SLC39A12: variants seen among roughly 807,000 people sequenced by gnomAD.
The protein encoded by SLC39A12 is solute carrier family 39 member 12.
In SLC39A12, 63 loss-of-function variants were observed where a neutral mutation model predicts 71.1. That is an observed-to-expected ratio of 0.89 (90% CI 0.72 to 1.09). The LOEUF is 1.09. SLC39A12 is among the 50% of genes least tolerant of loss of function. SLC39A12 has a pLI of 0.00. For missense variants in SLC39A12, 892 were observed against 812.6 expected, an observed-to-expected ratio of 1.10 and a Z score of -1.19; for synonymous variants, 351 against 301.3, an observed-to-expected ratio of 1.16 and a Z score of -1.71.
At chr10:17,958,167 A>G (rs926167787) in intron 2 of SLC39A12, among the ~76,000 whole-genome samples, 5 of 152,160 alleles carry the variant, frequency 3.3e-5, no homozygotes, top group South Asian at 4.1e-4. Context: ...GGAAAGATAC[A>G]TGGCAAAGAC....
intron 3 of SLC39A12, among the ~76,000 whole-genome samples, chr10:17,964,619 A>T (rs926091148): frequency 5.9e-5 from 9 of 152,216 alleles, no homozygotes; most frequent in African/African-American, 1.9e-4. Context: ...GAAAATTGAT[A>T]TACATATTTG....
At chr10:18,030,956 G>A (rs928504689) in intron 12 of SLC39A12, among the ~76,000 whole-genome samples, 22 of 151,766 alleles carry the variant, frequency 1.4e-4, no homozygotes, top group African/African-American at 5.1e-4. Context: ...TTTCATCCAC[G>A]TCCCTACAAA....
At chr10:18,023,659 A>C (rs1335336292) in intron 12 of SLC39A12, among the ~76,000 whole-genome samples, 3 of 152,188 alleles carry the variant, frequency 2.0e-5, no homozygotes, top group Admixed American at 2.0e-4. Context: ...TCCTCTCCTT[A>C]TGCTGGTTGC....
chr10:17,985,159 A>G (rs897784008), intron 6 of SLC39A12, among the ~76,000 whole-genome samples: 1 of 152,138 alleles, frequency 6.6e-6, no homozygotes, highest in African/African-American at 2.4e-5. Context: ...CCTGGCCAAC[A>G]TGATGGAACC....
At chr10:17,961,354 C>G (rs782562769) in intron 2 of SLC39A12, among the ~76,000 whole-genome samples, 46 of 152,142 alleles carry the variant, frequency 3.0e-4, no homozygotes, top group Non-Finnish European at 6.5e-4. Flanking sequence ...AACTTGTGGC[C>G]GATCTAGTTG....
At chr10:18,031,370 G>A (rs1221502694) in intron 12 of SLC39A12, among the ~76,000 whole-genome samples, 1 of 138,662 alleles carries the variant, frequency 7.2e-6, no homozygotes, top group East Asian at 2.1e-4. Context: ...TCTCATAGTG[G>A]TTTTGATTTG....
intron 3 of SLC39A12, among the ~76,000 whole-genome samples, chr10:17,964,807 C>A (rs2130783798): frequency 6.6e-6 from 1 of 152,306 alleles, no homozygotes; most frequent in African/African-American, 2.4e-5. Flanking sequence ...GCTTGAAAAT[C>A]ATTCTCCTGC....
chr10:18,035,588 T>G (rs1026956446), intron 12 of SLC39A12, among the ~76,000 whole-genome samples: 9 of 152,158 alleles, frequency 5.9e-5, no homozygotes, highest in Non-Finnish European at 1.0e-4. Context: ...TTGCCTTTGC[T>G]TTGAATGTCC....
intron 12 of SLC39A12, among the ~76,000 whole-genome samples, chr10:18,009,924 C>A (rs1468703650): frequency 1.3e-5 from 2 of 152,166 alleles, no homozygotes; most frequent in African/African-American, 4.8e-5. Flanking sequence ...GTAAATGTAG[C>A]AGCTTCAAGA....
intron 4 of SLC39A12, among the ~76,000 whole-genome samples, chr10:17,975,951 A>G (rs1835097970): frequency 6.6e-6 from 1 of 152,118 alleles, no homozygotes; most frequent in African/African-American, 2.4e-5. Context: ...CTTTAACAGG[A>G]CAGCATTGAG....
intron 12 of SLC39A12, among the ~76,000 whole-genome samples, chr10:18,042,192 A>C (rs1385164936): frequency 6.6e-6 from 1 of 152,140 alleles, no homozygotes; most frequent in African/African-American, 2.4e-5. Context: ...GACTTCTACC[A>C]AAGGCCAGGT....
intron 6 of SLC39A12, 133 bp downstream of exon 6, chr10:17,981,616 A>G: frequency 1.5e-6 from 1 of 675,054 alleles, no homozygotes; most frequent in Non-Finnish European, 2.3e-6. Context: ...TAATCCTCCT[A>G]ACAATGCTAC....
chr10:17,987,316 C>T (rs1266570664), intron 6 of SLC39A12, among the ~76,000 whole-genome samples, 163 bp from the exon 7 acceptor site: 1 of 152,178 alleles, frequency 6.6e-6, no homozygotes, highest in East Asian at 1.9e-4. Flanking sequence ...GGCTGGGTGA[C>T]AGACAGAGAG....
At chr10:17,995,836 A>G (rs1835670040) in intron 10 of SLC39A12, 114 bp downstream of exon 10, 2 of 872,838 alleles carry the variant, frequency 2.3e-6, no homozygotes, top group Non-Finnish European at 3.4e-6. Context: ...GTAGTTTATT[A>G]TGAAAAACTT....
At chr10:18,035,697 G>GTATT in intron 12 of SLC39A12, among the ~76,000 whole-genome samples, 1 of 152,250 alleles carries the variant, frequency 6.6e-6, no homozygotes, top group Non-Finnish European at 1.5e-5. Context: ...GTGAGGAACT[G>GTATT]CGTTCCGCTG....
At chr10:17,982,585 A>C (rs1835288531) in intron 6 of SLC39A12, among the ~76,000 whole-genome samples, 1 of 152,166 alleles carries the variant, frequency 6.6e-6, no homozygotes, top group Non-Finnish European at 1.5e-5. Flanking sequence ...CCAGGCCTAA[A>C]TATCTAAGAT....
chr10:18,036,747 TA>T (rs1426825479), intron 12 of SLC39A12, among the ~76,000 whole-genome samples: 3 of 8,188 alleles, frequency 3.7e-4, no homozygotes, highest in African/African-American at 6.9e-4. Flanking sequence ...TTTTAAAAAT[TA>T]TATATATATA....
At chr10:17,985,925 T>C (rs1267015177) in intron 6 of SLC39A12, among the ~76,000 whole-genome samples, 1 of 152,198 alleles carries the variant, frequency 6.6e-6, no homozygotes, top group Admixed American at 6.5e-5. Context: ...TGTTCAGATT[T>C]TTATTATCGA....
At chr10:18,007,375 A>G (rs1836057305) in intron 12 of SLC39A12, 1 of 152,232 alleles carries the variant, frequency 6.6e-6, no homozygotes. Context: ...GCTCCAAGAA[A>G]TCTGAATTTG....
Sources: gnomAD v4.1 joint callset for allele counts (sites outside exome capture counted in the v4.1 genomes callset) on GRCh38, gnomAD v4.1.1 for gene constraint, MANE v1.5 for transcripts, NCBI Gene and HGNC (gene_info 2026-07-23, HGNC 2026-07-21) for gene names.